The following TENM2 variants were observed in gnomAD, a reference collection of about 807,000 sequenced individuals.
TENM2 encodes teneurin-2.
In TENM2, 52 loss-of-function variants were observed where a neutral mutation model predicts 245.2. That is an observed-to-expected ratio of 0.21 (90% confidence interval 0.17 to 0.27). The LOEUF is 0.27. Among genes scored for constraint, TENM2 ranks in the 10% least tolerant of loss-of-function variants. The probability of loss-of-function intolerance (pLI) is 1.00; values close to 1 mark genes in which losing one functional copy is unlikely to be tolerated. For synonymous variants in TENM2, 1,363 were observed against 1,438.9 expected (o/e 0.95, Z 1.19); for missense variants, 3,046 against 3,666.8 (o/e 0.83, Z 4.37).
intron 3 of TENM2, among the ~76,000 whole-genome samples, chr5:167,916,960 G>C (rs998097547): frequency 1.3e-5 from 2 of 152,164 alleles, no homozygotes; most frequent in African/African-American, 4.8e-5. Context: ...TTCTCACTCA[G>C]AGCTGCAATG....
At chr5:167,962,635 G>A (rs1299016985) in intron 4 of TENM2, among the ~76,000 whole-genome samples, 1 of 152,142 alleles carries the variant, frequency 6.6e-6, no homozygotes, top group Non-Finnish European at 1.5e-5. Flanking sequence ...CAGCATGACG[G>A]GGGAGGCCTC....
chr5:168,111,761 G>A (rs570058005), intron 9 of TENM2, among the ~76,000 whole-genome samples: 10 of 152,220 alleles, frequency 6.6e-5, no homozygotes, highest in African/African-American at 2.4e-4. Context: ...GCAGCATTGG[G>A]TGTAAGCAGC....
chr5:167,880,147 C>T (rs1233624355), intron 3 of TENM2, among the ~76,000 whole-genome samples: 4 of 152,068 alleles, frequency 2.6e-5, no homozygotes, highest in Non-Finnish European at 5.9e-5. Context: ...ATTCTCATGC[C>T]TCAGCCTCCC....
At chr5:167,567,864 T>C (rs1303430623) in intron 2 of TENM2, among the ~76,000 whole-genome samples, 1 of 152,034 alleles carries the variant, frequency 6.6e-6, no homozygotes, top group Admixed American at 6.6e-5. Context: ...AATTTCCGAA[T>C]GACAGAATTG....
rs869282464 is a variant in TENM2, at chr5:167,801,109, AATATATATAT to A, written c.503-74842_503-74833del. Among the ~76,000 whole-genome samples the A allele has an allele frequency of 9.2e-3, 609 of 66,240 alleles. 2 individuals carry two copies. Among genetic ancestry groups the A allele is most frequent in the African/African-American group, 0.028 (445 of 15,722 alleles). The allele number at this position is 66,240 out of a possible 152,430, so 43.5% of individuals were successfully genotyped here. A position where few individuals can be genotyped will look rare whatever the true frequency, so the allele number is the denominator to read the frequency against. ...GTATTTGAAAAGAAAAAAAAAAAAA[AATATATATAT>A]ATATATATATATATATATATATATA... On this transcript the variant is annotated intron_variant, in intron 2 of 28. Transcript: ENST00000518659.
chr5:167,393,861 A>C (rs1761905623), intron 2 of TENM2, among the ~76,000 whole-genome samples: 1 of 152,138 alleles, frequency 6.6e-6, no homozygotes. Context: ...TCTGATTCTC[A>C]ATGTATTTTG....
chr5:167,933,760 G>A (rs1778472733), intron 3 of TENM2, among the ~76,000 whole-genome samples: 1 of 152,012 alleles, frequency 6.6e-6, no homozygotes, highest in Non-Finnish European at 1.5e-5. Flanking sequence ...TCCTACCTGA[G>A]GCAAGGTACT....
At chr5:167,437,226 G>C (rs1181918591) in intron 2 of TENM2, among the ~76,000 whole-genome samples, 1 of 152,186 alleles carries the variant, frequency 6.6e-6, no homozygotes, top group Non-Finnish European at 1.5e-5. Context: ...CCCACCTCTT[G>C]CATCAGCATG....
intron 2 of TENM2, among the ~76,000 whole-genome samples, chr5:167,851,098 C>T (rs1005474939): frequency 2.0e-5 from 3 of 151,944 alleles, no homozygotes; most frequent in African/African-American, 4.8e-5. Context: ...ATGTGTCAGC[C>T]GTCTTGGAGA....
intron 2 of TENM2, among the ~76,000 whole-genome samples, chr5:167,622,042 TTACACTATTTTATA>T (rs1485202429): frequency 6.6e-6 from 1 of 152,196 alleles, no homozygotes; most frequent in Admixed American, 6.5e-5. Flanking sequence ...CTGCATGTGT[TTACACTATTTTATA>T]TACTGGATCT....
the TENM2 span, among the ~76,000 whole-genome samples, chr5:167,195,895 A>T: frequency 2.0e-5 from 3 of 151,988 alleles, no homozygotes; most frequent in Non-Finnish European, 4.4e-5. Context: ...ATTATTTAAA[A>T]TTTTTTATTG....
chr5:168,133,625 G>A (rs1428387050), intron 12 of TENM2, among the ~76,000 whole-genome samples: 1 of 152,216 alleles, frequency 6.6e-6, no homozygotes, highest in East Asian at 1.9e-4. Context: ...ATTGAGGATA[G>A]TGAATGGAGC....
At chr5:168,106,635 A>G (rs1320081471) in intron 9 of TENM2, among the ~76,000 whole-genome samples, 1 of 152,204 alleles carries the variant, frequency 6.6e-6, no homozygotes, top group Non-Finnish European at 1.5e-5. Context: ...GGTGAGGCAT[A>G]AAGGAATTTT....
At chr5:167,998,560 A>C (rs1784217231) in intron 5 of TENM2, among the ~76,000 whole-genome samples, 1 of 152,202 alleles carries the variant, frequency 6.6e-6, no homozygotes, top group Admixed American at 6.5e-5. Flanking sequence ...CGCAACATAC[A>C]CTGAGCTTCT....
intron 2 of TENM2, among the ~76,000 whole-genome samples, chr5:167,434,086 ACT>A (rs1217318139): frequency 7.2e-5 from 11 of 152,092 alleles, no homozygotes; most frequent in Admixed American, 1.3e-4. Context: ...TCTTAATATA[ACT>A]CTTATTAAAT....
At chr5:168,166,189 TG>T (rs1307373332) in intron 13 of TENM2, among the ~76,000 whole-genome samples, 1 of 152,056 alleles carries the variant, frequency 6.6e-6, no homozygotes, top group African/African-American at 2.4e-5. Flanking sequence ...AACCTGGCAG[TG>T]GGTCAGAGAG....
chr5:167,248,937 G>A, the TENM2 span, among the ~76,000 whole-genome samples: 1 of 152,146 alleles, frequency 6.6e-6, no homozygotes, highest in Non-Finnish European at 1.5e-5. Flanking sequence ...GCCCCCAAAA[G>A]AATTTCTGAT....
At chr5:168,198,331 G>T (rs71603852) in intron 15 of TENM2, among the ~76,000 whole-genome samples, 1 of 151,496 alleles carries the variant, frequency 6.6e-6, no homozygotes, top group Non-Finnish European at 1.5e-5. Context: ...GAGTAGCTGA[G>T]ACTACAGGCA....
intron 1 of TENM2, among the ~76,000 whole-genome samples, chr5:167,347,387 G>A (rs75143066): frequency 0.25 from 38,100 of 152,088 alleles, 5,868 homozygotes; most frequent in Non-Finnish European, 0.35. Context: ...AGCAACAAAG[G>A]AGAAGCCTAG....
Sources: gnomAD v4.1 joint callset for allele counts (sites outside exome capture counted in the v4.1 genomes callset) on GRCh38, gnomAD v4.1.1 for gene constraint, MANE v1.5 for transcripts, NCBI Gene and HGNC (gene_info 2026-07-23, HGNC 2026-07-21) for gene names.